Variants in TCEANC2 observed in about 807,000 individuals in gnomAD.
The protein encoded by TCEANC2 is transcription elongation factor A N-terminal and central domain containing 2, also known as transcription elongation factor A N-terminal and central domain-containing protein 2.
TCEANC2 carries 20 observed loss-of-function variants against 22.8 expected under a neutral mutation model. The observed-to-expected ratio is 0.88, with a 90% CI of 0.62 to 1.28. TCEANC2 has a LOEUF of 1.28. Ranked by LOEUF, TCEANC2 falls within the 50% of genes most tolerant of loss-of-function variation. TCEANC2 has a pLI of 0.00. For missense variants in TCEANC2, 251 were observed against 249.7 expected (o/e 1.01, Z -0.03); for synonymous variants, 84 against 95.5 (o/e 0.88, Z 0.70).
intron 2 of TCEANC2, among the ~76,000 whole-genome samples, chr1:54,061,111 T>C (rs1487922049): frequency 1.3e-5 from 2 of 152,234 alleles, no homozygotes; most frequent in Non-Finnish European, 2.9e-5. Flanking sequence ...TGGTATGTGC[T>C]CTTCTGTTTC....
rs762320585 is a variant in TCEANC2, at chr1:54,054,369, T to G, written c.-42-12T>G. The G allele has an allele frequency of 2.5e-6, 4 of 1,607,662 alleles. No homozygotes were observed. In the African/African-American group the frequency reaches 5.4e-5, roughly 22 times the overall value. On this transcript the variant is annotated splice_polypyrimidine_tract_variant and intron_variant, in intron 1 of 4. Coordinates refer to ENST00000234827, the MANE Select transcript of TCEANC2 (RefSeq NM_153035.3). ...TAGTGGGGTTTTAGAATCTGCCCTC[T>G]TTCTTGACCAGAACACGCTGCAAGC...
chr1:54,056,676 C>T (rs1657759231), intron 2 of TCEANC2, among the ~76,000 whole-genome samples: 2 of 152,066 alleles, frequency 1.3e-5, no homozygotes, highest in Admixed American at 6.5e-5. Flanking sequence ...CCTCTGGGTT[C>T]CTGCTCGTGC....
intron 2 of TCEANC2, among the ~76,000 whole-genome samples, chr1:54,054,986 TTTTG>T (rs1214863126): frequency 1.3e-5 from 2 of 152,044 alleles, no homozygotes; most frequent in Non-Finnish European, 2.9e-5. Flanking sequence ...TTGTTGTTGT[TTTTG>T]TTTTTCAGAC....
chr1:54,077,070 G>C (rs140602200), intron 3 of TCEANC2, among the ~76,000 whole-genome samples: 2 of 152,232 alleles, frequency 1.3e-5, no homozygotes, highest in Non-Finnish European at 2.9e-5. Context: ...TGAAGACTTG[G>C]AGGACTGAGA....
intron 3 of TCEANC2, among the ~76,000 whole-genome samples, chr1:54,074,734 C>A (rs1477501828): frequency 6.6e-6 from 1 of 152,002 alleles, no homozygotes; most frequent in Non-Finnish European, 1.5e-5. Flanking sequence ...TTGGATTTTG[C>A]AAAATGAAGT....
In TCEANC2 at chr1:54,083,970, A is replaced by G. The variant is rs149047190; in HGVS notation, c.245-4627A>G. Among the ~76,000 whole-genome samples the G allele has an allele frequency of 6.6e-3, 999 of 151,460 alleles. 11 individuals are homozygous for G. The highest frequency in any genetic ancestry group is 0.023 in the African/African-American group (960 of 41,300). ...TTTCACTAAACTAAAAAAAGTGATC[A>G]TTTTTCCGGTTACTACATGTAGAGC... On this transcript the variant is annotated intron_variant, in intron 3 of 4. Transcript: ENST00000234827.
chr1:54,071,700 T>A (rs1376200796), intron 3 of TCEANC2, among the ~76,000 whole-genome samples: 1 of 152,234 alleles, frequency 6.6e-6, no homozygotes, highest in Non-Finnish European at 1.5e-5. Context: ...GAAGCCTAAC[T>A]TGTAGACTGG....
intron 3 of TCEANC2, among the ~76,000 whole-genome samples, chr1:54,071,049 T>C (rs1052530941): frequency 6.6e-6 from 1 of 152,130 alleles, no homozygotes; most frequent in Non-Finnish European, 1.5e-5. Context: ...GAGAACATGG[T>C]GCATTCCAGA....
At chr1:54,089,287 T>C (rs1264503822) in intron 4 of TCEANC2, among the ~76,000 whole-genome samples, 1 of 152,228 alleles carries the variant, frequency 6.6e-6, no homozygotes, top group African/African-American at 2.4e-5. Context: ...AATTCTGTGA[T>C]GGACTGTGTT....
chr1:54,109,521 C>T (rs968692607), downstream of TCEANC2, among the ~76,000 whole-genome samples: 3 of 152,158 alleles, frequency 2.0e-5, no homozygotes, highest in African/African-American at 7.2e-5. Context: ...GGGCTTACTA[C>T]GTAGGTAACT....
At chr1:54,060,813 G>A (rs932238011) in intron 2 of TCEANC2, among the ~76,000 whole-genome samples, 3 of 151,924 alleles carry the variant, frequency 2.0e-5, no homozygotes, top group Admixed American at 6.6e-5. Flanking sequence ...GGTGGTGGGC[G>A]CCTGTAATCC....
chr1:54,092,158 C>A (rs1024088210), intron 4 of TCEANC2, among the ~76,000 whole-genome samples: 4 of 152,196 alleles, frequency 2.6e-5, no homozygotes, highest in Non-Finnish European at 5.9e-5. Flanking sequence ...AAGTTTGCTT[C>A]CAGTGGCTAT....
At chr1:54,074,254 G>A (rs1054602031) in intron 3 of TCEANC2, among the ~76,000 whole-genome samples, 2 of 152,112 alleles carry the variant, frequency 1.3e-5, no homozygotes, top group Non-Finnish European at 2.9e-5. Flanking sequence ...ACGAGGTCAG[G>A]AGATCAACAC....
At chr1:54,073,387 C>T (rs974612509) in intron 3 of TCEANC2, among the ~76,000 whole-genome samples, 2 of 152,234 alleles carry the variant, frequency 1.3e-5, no homozygotes, top group African/African-American at 4.8e-5. Context: ...TACTTTAGCA[C>T]ACCTCTTAAG....
chr1:54,064,957 C>A (rs114621143), intron 2 of TCEANC2, among the ~76,000 whole-genome samples: 5,286 of 152,214 alleles, frequency 0.035, 114 homozygotes, highest in Middle Eastern at 0.054. Flanking sequence ...GCTTTGGCCT[C>A]CCATAGTGCC....
At chr1:54,066,302 A>G (rs564083282) in intron 2 of TCEANC2, among the ~76,000 whole-genome samples, 9 of 152,312 alleles carry the variant, frequency 5.9e-5, no homozygotes, top group Non-Finnish European at 1.2e-4. Context: ...AAACTGTTAA[A>G]AAGAAGATAC....
Position 54,096,869 on chromosome 1 carries a change from C to G in TCEANC2, c.*396C>G, listed in dbSNP as rs774422247. ...GGTAACTGAAACTCAATTACCGCTGCCGCTCACTCGGTTCCATCCCCCTGA... is the reference window on the plus strand; with the variant it reads ...GGTAACTGAAACTCAATTACCGCTGGCGCTCACTCGGTTCCATCCCCCTGA... On this transcript the variant is annotated 3_prime_UTR_variant, in exon 5 of 5. Transcript: ENST00000234827. This position sits in a 1 kb window ranked among gnomAD's most constrained non-coding sequence, Gnocchi z 4.9. 7 of 991,968 alleles carry G rather than the reference C, an allele frequency of 7.1e-6. No individual in the cohort carries two copies. Among genetic ancestry groups the G allele is most frequent in the Non-Finnish European group, 8.4e-6 (7 of 833,956 alleles). The allele number at this position is 991,968 out of a possible 1,614,324, so 61.4% of individuals were successfully genotyped here.
intron 2 of TCEANC2, among the ~76,000 whole-genome samples, chr1:54,060,069 C>T (rs987080133): frequency 6.6e-6 from 1 of 151,960 alleles, no homozygotes; most frequent in Non-Finnish European, 1.5e-5. Flanking sequence ...GAGTTTGAGA[C>T]CAAACTACAT....
downstream of TCEANC2, among the ~76,000 whole-genome samples, chr1:54,108,770 G>A (rs530209407): frequency 6.8e-4 from 104 of 151,962 alleles, no homozygotes; most frequent in Non-Finnish European, 1.1e-3. Context: ...CAGGAGATTG[G>A]GACCATCCTG....
Sources: allele counts gnomAD v4.1 joint callset (sites outside exome capture counted in the v4.1 genomes callset), GRCh38; gene constraint gnomAD v4.1.1; non-coding constraint Gnocchi (gnomAD v3.1); transcripts MANE v1.5; gene names NCBI Gene and HGNC (gene_info 2026-07-23, HGNC 2026-07-21).